The following IMPA2 variants were observed in gnomAD, a reference collection of about 807,000 sequenced individuals.
IMPA2 encodes the protein inositol monophosphatase 2.
Under a neutral mutation model 35.1 loss-of-function variants are expected in IMPA2, and 32 were observed. That is an observed-to-expected ratio of 0.91 (90% CI 0.69 to 1.23). IMPA2 has a LOEUF of 1.23. IMPA2 is among the 50% of genes most tolerant of loss of function. The pLI is 0.00. For synonymous variants in IMPA2, 135 were observed against 160.6 expected (o/e 0.84, Z 1.20); for missense variants, 334 against 387.6 (o/e 0.86, Z 1.16).
At chr18:11,998,050 C>T (rs1907009204) in intron 1 of IMPA2, among the ~76,000 whole-genome samples, 1 of 152,102 alleles carries the variant, frequency 6.6e-6, no homozygotes, top group African/African-American at 2.4e-5. Context: ...GCCTGTAGTC[C>T]TAGCTATTGG....
intron 1 of IMPA2, among the ~76,000 whole-genome samples, chr18:11,992,480 G>C (rs588257): frequency 0.33 from 49,892 of 152,092 alleles, 10,462 homozygotes; most frequent in East Asian, 0.6. Flanking sequence ...GGTGAGACAG[G>C]AAAGATAGTT....
chr18:11,991,216 G>A lies in IMPA2; in HGVS notation c.97-7838G>A, dbSNP rs1906803656. 6.6e-6 allele frequency among the ~76,000 whole-genome samples: 1 copy of A among 152,228 alleles called. No homozygotes were observed. Among genetic ancestry groups the A allele is most frequent in the Admixed American group, 6.5e-5 (1 of 15,290 alleles). ...GGAACACAGGGAATGCAGCTGGGAT[G>A]TGGGTGACGGGTGGCTGCTGGCATT... On this transcript the variant is annotated intron_variant, in intron 1 of 7. Transcript: ENST00000269159. The surrounding 1 kb of genome is among the most constrained non-coding windows in gnomAD (Gnocchi z 4.1).
chr18:12,026,898 A>AGGGC (rs1907895114), intron 5 of IMPA2, among the ~76,000 whole-genome samples: 1 of 152,212 alleles, frequency 6.6e-6, no homozygotes, highest in African/African-American at 2.4e-5. Flanking sequence ...GGACCTCCTG[A>AGGGC]GGGCAGGCAG....
At chr18:11,999,807 T>A (rs974006273) in intron 2 of IMPA2, among the ~76,000 whole-genome samples, 1 of 152,236 alleles carries the variant, frequency 6.6e-6, no homozygotes, top group Non-Finnish European at 1.5e-5. Context: ...TAGCTATTAA[T>A]CTTTTGTTCA....
At chr18:11,988,664 G>A (rs1906730361) in intron 1 of IMPA2, among the ~76,000 whole-genome samples, 1 of 152,122 alleles carries the variant, frequency 6.6e-6, no homozygotes, top group Non-Finnish European at 1.5e-5. Context: ...TGGATGTGGG[G>A]TGTGAGAGAA....
intron 2 of IMPA2, among the ~76,000 whole-genome samples, chr18:12,004,999 G>T (rs1276536922): frequency 6.6e-6 from 1 of 152,186 alleles, no homozygotes; most frequent in Admixed American, 6.5e-5. Context: ...GTAAAATCAG[G>T]TTTAAGTGAA....
chr18:11,998,491 G>A (rs976192262), intron 1 of IMPA2, among the ~76,000 whole-genome samples: 1 of 152,252 alleles, frequency 6.6e-6, no homozygotes, highest in Middle Eastern at 3.2e-3. Flanking sequence ...CTGAAACACA[G>A]TTTAGCTCTC....
At chr18:12,019,164 T>TAC (rs1483243975) in intron 5 of IMPA2, among the ~76,000 whole-genome samples, 2 of 152,046 alleles carry the variant, frequency 1.3e-5, no homozygotes, top group Non-Finnish European at 2.9e-5. Flanking sequence ...CTCACATAGA[T>TAC]ACGTAGTTTA....
intron 5 of IMPA2, among the ~76,000 whole-genome samples, chr18:12,018,615 A>C (rs115050475): frequency 0.015 from 2,288 of 152,326 alleles, 61 homozygotes; most frequent in African/African-American, 0.052. Flanking sequence ...AATTCATTTT[A>C]AGATTAAAAA....
At position 11,981,743 on chromosome 18, in the gene IMPA2, A is replaced by G. The variant is rs578206973; in HGVS notation, c.74A>G (p.Gln25Arg). The G allele has an allele frequency of 1.6e-5, 20 of 1,225,812 alleles. 1 individual carries two copies. In the South Asian group the frequency reaches 6.5e-4, roughly 40 times the overall value. The allele number at this position is 1,225,812 out of a possible 1,614,324, so 75.9% of individuals were successfully genotyped here. A position where few individuals can be genotyped will look rare whatever the true frequency, so the allele number is the denominator to read the frequency against. The change falls in exon 1 of 8, where the codon CAG (glutamine) becomes CGG (arginine). Residue 25 changes from glutamine to arginine, a missense_variant. Gln to Arg is a conservative substitution (Grantham distance 43). Coordinates refer to ENST00000269159, the MANE Select transcript of IMPA2 (RefSeq NM_014214.3). ...GAGGAGTGCTTCCAGGCGGCCGTGC[A>G]GCTGGCGCTGCGGGCAGGACAGGTG... is the stretch of plus-strand genomic sequence containing the variant. Reference protein sequence around the residue: ...PWEECFQAAVQLALRAGQIIR... With the variant: ...PWEECFQAAVRLALRAGQIIR...
At position 12,009,886 on chromosome 18, in the gene IMPA2, C is replaced by G; in HGVS notation, c.234C>G (p.Phe78Leu). The G allele has an allele frequency of 6.2e-7, 1 of 1,613,506 alleles. No individual in the cohort carries two copies. The highest frequency in any genetic ancestry group is 1.7e-5 in the Admixed American group (1 of 60,014). The change falls in exon 3 of 8, where the codon TTC (phenylalanine) becomes TTG (leucine). Residue 78 changes from phenylalanine (F) to leucine (L), a missense_variant. Coordinates refer to ENST00000269159, the MANE Select transcript of IMPA2 (RefSeq NM_014214.3). ...AGGCTGGGTTCTTCCACTGCAGGTT[C>G]ATTGCAGAAGAGGCCGCGGCTTCTG... ...ELRERFPSHR[F>L]IAEEAAASGA...
At chr18:12,005,918 C>G (rs1232273597) in intron 2 of IMPA2, among the ~76,000 whole-genome samples, 1 of 152,226 alleles carries the variant, frequency 6.6e-6, no homozygotes, top group Non-Finnish European at 1.5e-5. Context: ...TAGAAACTTA[C>G]CTTTGTGCCT....
intron 2 of IMPA2, among the ~76,000 whole-genome samples, chr18:12,004,691 A>G (rs2143796785): frequency 6.6e-6 from 1 of 151,792 alleles, no homozygotes; most frequent in East Asian, 1.9e-4. Context: ...TGTCTGGGTA[A>G]TTTTCATATT....
intron 2 of IMPA2, among the ~76,000 whole-genome samples, chr18:12,006,307 G>T (rs1907245823): frequency 6.6e-6 from 1 of 152,244 alleles, no homozygotes; most frequent in South Asian, 2.1e-4. Context: ...TGTTTGGGGA[G>T]CACCAGTTCC....
intron 2 of IMPA2, among the ~76,000 whole-genome samples, chr18:12,004,067 G>C (rs1907188764): frequency 6.6e-6 from 1 of 152,228 alleles, no homozygotes; most frequent in Non-Finnish European, 1.5e-5. Flanking sequence ...TTGAATGCGT[G>C]AGTCAAGCAA....
chr18:12,006,359 C>G (rs1402771679), intron 2 of IMPA2, among the ~76,000 whole-genome samples: 2 of 152,240 alleles, frequency 1.3e-5, no homozygotes, highest in Non-Finnish European at 2.9e-5. Flanking sequence ...ATCACCTGAC[C>G]TAGAAGCATG....
At chr18:12,019,923 C>G (rs929276971) in intron 5 of IMPA2, among the ~76,000 whole-genome samples, 1 of 152,004 alleles carries the variant, frequency 6.6e-6, no homozygotes, top group East Asian at 1.9e-4. Flanking sequence ...TTGCCCAGTC[C>G]GGAGTGTAGT....
rs202132842 is a variant in IMPA2, at chr18:12,022,528, A to AATATATATAT, written c.491-5496_491-5487dup. Among the ~76,000 whole-genome samples, 225 of 96,786 alleles carry AATATATATAT rather than the reference A, an allele frequency of 2.3e-3. 3 individuals carry two copies. The highest frequency in any genetic ancestry group is 9.5e-3 in the African/African-American group (220 of 23,138). The allele number at this position is 96,786 out of a possible 152,430, so 63.5% of individuals were successfully genotyped here. A position where few individuals can be genotyped will look rare whatever the true frequency, so the allele number is the denominator to read the frequency against. On this transcript the variant is annotated intron_variant, in intron 5 of 7. Transcript: ENST00000269159. ...CAGAATGGGGCTCCATCTCAAAAAG[A>AATATATATAT]ATATATATATATATATATATATATA...
At chr18:12,022,691 A>C (rs898663859) in intron 5 of IMPA2, among the ~76,000 whole-genome samples, 1 of 151,114 alleles carries the variant, frequency 6.6e-6, no homozygotes, top group Non-Finnish European at 1.5e-5. Flanking sequence ...GGGTTGTCAT[A>C]AGTTTTTTCC....
Sources: allele counts gnomAD v4.1 joint callset (sites outside exome capture counted in the v4.1 genomes callset), GRCh38; gene constraint gnomAD v4.1.1; non-coding constraint Gnocchi (gnomAD v3.1); transcripts MANE v1.5; gene names NCBI Gene and HGNC (gene_info 2026-07-23, HGNC 2026-07-21).